Variants in CSMD1 observed in about 807,000 individuals in gnomAD.
CSMD1 encodes the protein CUB and sushi domain-containing protein 1.
In CSMD1, 213 loss-of-function variants were observed where a neutral mutation model predicts 417.5. The ratio of observed to expected loss-of-function variants is 0.51; its 90% CI spans 0.46 to 0.57. The LOEUF (loss-of-function observed/expected upper bound fraction) is 0.57, where lower values mean the gene tolerates loss of function less well. Ranked by LOEUF, CSMD1 falls within the 20% of genes least tolerant of loss-of-function variation. CSMD1 has a pLI of 0.00. For synonymous variants in CSMD1, 2,862 were observed against 1,736.8 expected, an observed-to-expected ratio of 1.65 and a Z score of -16.11; for missense variants, 6,923 against 4,529.7, an observed-to-expected ratio of 1.53 and a Z score of -15.17.
intron 1 of CSMD1, among the ~76,000 whole-genome samples, chr8:4,671,189 T>C (rs1018433080): frequency 2.0e-5 from 3 of 152,236 alleles, no homozygotes; most frequent in Non-Finnish European, 4.4e-5. Context: ...ATTCCATTCC[T>C]CTTAGTAGTT....
At chr8:4,974,024 T>C (rs1034378739) in intron 1 of CSMD1, among the ~76,000 whole-genome samples, 5 of 152,118 alleles carry the variant, frequency 3.3e-5, no homozygotes, top group Admixed American at 1.3e-4. Flanking sequence ...AATTATTTTA[T>C]TTACTTATTT....
chr8:4,212,630 C>T (rs1800384421), intron 3 of CSMD1, among the ~76,000 whole-genome samples: 1 of 151,846 alleles, frequency 6.6e-6, no homozygotes, highest in Non-Finnish European at 1.5e-5. Flanking sequence ...CTGTCTACTA[C>T]TGCCACCATG....
At chr8:4,134,980 G>C (rs191059428) in intron 3 of CSMD1, among the ~76,000 whole-genome samples, 95 of 152,236 alleles carry the variant, frequency 6.2e-4, no homozygotes, top group African/African-American at 2.0e-3. Flanking sequence ...GCTCAGCTTA[G>C]TGTCTGGGTT....
chr8:3,863,428 T>A (rs1804862629), intron 5 of CSMD1, among the ~76,000 whole-genome samples: 1 of 150,560 alleles, frequency 6.6e-6, no homozygotes, highest in African/African-American at 2.5e-5. Context: ...CTAATACCAT[T>A]CATGTGGGTA....
intron 3 of CSMD1, among the ~76,000 whole-genome samples, chr8:4,160,637 G>A (rs78117657): frequency 6.6e-6 from 1 of 152,204 alleles, no homozygotes; most frequent in African/African-American, 2.4e-5. Flanking sequence ...AGACACTCTG[G>A]AAGTCTTTGT....
intron 6 of CSMD1, among the ~76,000 whole-genome samples, chr8:3,752,584 G>T (rs757949092): frequency 6.7e-6 from 1 of 149,914 alleles, no homozygotes; most frequent in Non-Finnish European, 1.5e-5. Context: ...AGCCCAGGAG[G>T]TGGAGGTTGC....
intron 46 of CSMD1, among the ~76,000 whole-genome samples, chr8:3,099,138 C>T (rs1815553677): frequency 6.6e-6 from 1 of 152,040 alleles, no homozygotes; most frequent in African/African-American, 2.4e-5. Flanking sequence ...TATCCAAGCG[C>T]TGCAGTGAAG....
chr8:3,701,508 CTTAT>C (rs1216846987), intron 7 of CSMD1, among the ~76,000 whole-genome samples: 2 of 13,030 alleles, frequency 1.5e-4, no homozygotes, highest in African/African-American at 1.7e-3. Context: ...AGGATTAAAC[CTTAT>C]TTTTTTTTTT....
intron 1 of CSMD1, among the ~76,000 whole-genome samples, chr8:4,643,757 G>C (rs769305628): frequency 6.6e-6 from 1 of 152,186 alleles, no homozygotes. Flanking sequence ...ACAGTTTCAG[G>C]GGTTATTCCA....
At position 3,972,898 on chromosome 8, in the gene CSMD1, AAT is replaced by A. The variant is rs1585057412; in HGVS notation, c.818+25003_818+25004del. 2.0e-5 allele frequency among the ~76,000 whole-genome samples: 3 copies of A among 152,220 alleles called. No homozygotes were observed. The East Asian group carries it at 5.8e-4, about 29-fold the overall frequency. On this transcript the variant is annotated intron_variant, in intron 5 of 69. Transcript: ENST00000635120. The stretch of plus-strand genomic sequence containing the variant: ...AAAATAAAAACCATCAAAATGTAAA[AAT>A]GGAAAACAACCTAAATGGGCAAAGT...
At chr8:4,528,767 C>T (rs552711202) in intron 2 of CSMD1, among the ~76,000 whole-genome samples, 1 of 137,910 alleles carries the variant, frequency 7.3e-6, no homozygotes, top group Non-Finnish European at 1.6e-5. Context: ...TGAATTTTCA[C>T]ATAAGAGCTC....
At chr8:3,309,017 C>T (rs1165136094) in intron 23 of CSMD1, among the ~76,000 whole-genome samples, 2 of 152,142 alleles carry the variant, frequency 1.3e-5, no homozygotes, top group South Asian at 4.1e-4. Flanking sequence ...AGCCACTGCG[C>T]CCGGCCCCTC....
At chr8:3,652,581 A>G (rs1236684198) in intron 7 of CSMD1, among the ~76,000 whole-genome samples, 1 of 152,232 alleles carries the variant, frequency 6.6e-6, no homozygotes, top group African/African-American at 2.4e-5. Context: ...AAGCAAAGGC[A>G]TGTCGTACAC....
At chr8:3,276,604 G>A (rs1257813557) in intron 26 of CSMD1, among the ~76,000 whole-genome samples, 1 of 152,062 alleles carries the variant, frequency 6.6e-6, no homozygotes, top group East Asian at 1.9e-4. Flanking sequence ...GGGAATTGTG[G>A]GAGCTACAAT....
At chr8:3,104,109 G>C (rs1259285464) in intron 46 of CSMD1, among the ~76,000 whole-genome samples, 1 of 152,094 alleles carries the variant, frequency 6.6e-6, no homozygotes, top group Non-Finnish European at 1.5e-5. Context: ...TCTCAGCTAA[G>C]ATCACCTTTA....
chr8:4,186,062 G>A (rs1426254496), intron 3 of CSMD1, among the ~76,000 whole-genome samples: 1 of 152,116 alleles, frequency 6.6e-6, no homozygotes, highest in Non-Finnish European at 1.5e-5. Flanking sequence ...GATTCTGCAC[G>A]TGTGGAAGAC....
At chr8:4,921,399 G>A (rs4332154) in intron 1 of CSMD1, among the ~76,000 whole-genome samples, 113,331 of 152,128 alleles carry the variant, frequency 0.74, 47,786 homozygotes, top group East Asian at 0.96. Context: ...TATGAAACAT[G>A]TATAATGTGA....
rs187618341 is a variant in CSMD1, at chr8:4,410,593, T to C, written c.415+9360A>G. ...ATTTTAAATAATGACCAATTTTTGTTTTTCATTTATCTGAAATTATGTATT... is the reference window on the plus strand; with the variant it reads ...ATTTTAAATAATGACCAATTTTTGTCTTTCATTTATCTGAAATTATGTATT... On this transcript the variant is annotated intron_variant, in intron 3 of 69. Coordinates refer to ENST00000635120, the MANE Select transcript of CSMD1 (RefSeq NM_033225.6). Among the ~76,000 whole-genome samples, 625 of 152,314 alleles carry C rather than the reference T, an allele frequency of 4.1e-3. 4 individuals carry two copies. Among genetic ancestry groups the C allele is most frequent in the Non-Finnish European group, 7.1e-3 (483 of 68,028 alleles).
intron 3 of CSMD1, among the ~76,000 whole-genome samples, chr8:4,105,525 T>G (rs1050557528): frequency 4.6e-5 from 7 of 152,212 alleles, no homozygotes; most frequent in African/African-American, 1.7e-4. Context: ...AAGCTTATTT[T>G]CTGCTGGATG....
Sources: gnomAD v4.1 joint callset for allele counts (sites outside exome capture counted in the v4.1 genomes callset) on GRCh38, gnomAD v4.1.1 for gene constraint, MANE v1.5 for transcripts, NCBI Gene and HGNC (gene_info 2026-07-23, HGNC 2026-07-21) for gene names.